TEX55: variants seen among roughly 807,000 people sequenced by gnomAD.
TEX55 encodes testis-specific expressed protein 55.
Under a neutral mutation model 44.6 loss-of-function variants are expected in TEX55, and 31 were observed. That is an observed-to-expected ratio of 0.69 (90% CI 0.52 to 0.94). TEX55 has a LOEUF of 0.94. Among genes scored for constraint, TEX55 ranks in the 40% least tolerant of loss-of-function variants. The pLI is 0.00. For synonymous variants in TEX55, 230 were observed against 230.9 expected (o/e 1.00, Z 0.04); for missense variants, 639 against 638.4 (o/e 1.00, Z -0.01).
intron 2 of TEX55, among the ~76,000 whole-genome samples, chr3:119,149,593 A>G (rs1231749162): frequency 6.6e-6 from 1 of 152,226 alleles, no homozygotes; most frequent in Middle Eastern, 3.2e-3. Context: ...AGTAGGATGT[A>G]CTATACATAA....
intron 1 of TEX55, 126 bp from the exon 2 acceptor site, chr3:119,148,053 TA>T: frequency 3.5e-6 from 3 of 860,354 alleles, no homozygotes; most frequent in Non-Finnish European, 3.7e-6. Flanking sequence ...AAGTCTCTCT[TA>T]AAAATGTGTA....
In TEX55 at chr3:119,148,295, A is replaced by G; in HGVS notation, c.1514A>G (p.Glu505Gly). ...DPYQVSLQYM[E>G]KHHILQIFQQ... The stretch of plus-strand genomic sequence containing the variant: ...TACCAAGTTTCACTCCAATACATGG[A>G]AAAACACCACATTCTGCAAATATTC... Residue 505 changes from glutamate to glycine, a missense_variant, in exon 2 of 3, where the codon GAA (glutamate) becomes GGA (glycine). Coordinates refer to ENST00000295622, the MANE Select transcript of TEX55 (RefSeq NM_152539.3). 1 of 1,611,178 alleles carries G rather than the reference A, an allele frequency of 6.2e-7. No individual in the cohort carries two copies. The highest frequency in any genetic ancestry group is 1.7e-5 in the Admixed American group (1 of 59,536).
In TEX55 at chr3:119,147,389, A is replaced by G; in HGVS notation, c.1200A>G (p.Val400=). ...CCTGCAAATTTGAGGATAGCCAAGT[A>G]GACCTCAATTCCAAGCCTTCAGTTG... The part of the protein sequence containing the change: ...VQPCKFEDSQ[V]DLNSKPSVEM... The change falls in exon 1 of 3, where the codon GTA becomes GTG. Residue 400 remains valine, a synonymous_variant. Coordinates refer to ENST00000295622, the MANE Select transcript of TEX55 (RefSeq NM_152539.3). 6.2e-7 allele frequency: 1 copy of G among 1,614,234 alleles called. No individual in the cohort carries two copies. The highest frequency in any genetic ancestry group is 8.5e-7 in the Non-Finnish European group (1 of 1,180,044).
chr3:119,147,834 GAAACC>G (rs2077744554), intron 1 of TEX55, among the ~76,000 whole-genome samples: 1 of 152,146 alleles, frequency 6.6e-6, no homozygotes, highest in African/African-American at 2.4e-5. Context: ...CAGGATTCAG[GAAACC>G]TGCATTTTAA....
chr3:119,149,605 T>C (rs1043737581), intron 2 of TEX55, among the ~76,000 whole-genome samples: 14 of 152,204 alleles, frequency 9.2e-5, no homozygotes, highest in Admixed American at 8.5e-4. Flanking sequence ...TATACATAAC[T>C]TCGTGTGCTA....
At chr3:119,148,418 A>G in intron 2 of TEX55, 95 bp downstream of exon 2, 2 of 1,162,938 alleles carry the variant, frequency 1.7e-6, no homozygotes, top group Non-Finnish European at 2.5e-6. Flanking sequence ...AATTGAGAAG[A>G]CAATAAGTGC....
Position 119,147,537 on chromosome 3 carries a change from T to C in TEX55, c.1348T>C (p.Leu450=). Residue 450 remains leucine, a synonymous_variant, in exon 1 of 3, where the codon TTG becomes CTG. Coordinates refer to ENST00000295622, the MANE Select transcript of TEX55 (RefSeq NM_152539.3). ...FPRLPSISSK[L]NYTSSQEKTQ... is the part of the protein sequence containing the mutation. ...AAGACTCCCCTCCATCTCATCCAAA[T>C]TGAACTATACCAGCAGTCAAGAAAA... 1.2e-6 allele frequency: 2 copies of C among 1,614,070 alleles called. No individual in the cohort carries two copies. Among genetic ancestry groups the C allele is most frequent in the Non-Finnish European group, 1.7e-6 (2 of 1,180,000 alleles).
Position 119,151,293 on chromosome 3 carries a change from AATTGGAGAAAAAGAACAACCTTTTT to A in TEX55, c.*5_*29del. On this transcript the variant is annotated 3_prime_UTR_variant, in exon 3 of 3. Transcript: ENST00000295622. ...GAATTTTATGCTGTGCCAGGTATAGAATTGGAGAAAAAGAACAACCTTTTTATTCTCTTTATTGTAAAATACAGCA... is the reference window on the plus strand; with the variant it reads ...GAATTTTATGCTGTGCCAGGTATAGAATTCTCTTTATTGTAAAATACAGCA... The A allele has an allele frequency of 6.2e-7, 1 of 1,612,472 alleles. No individual in the cohort carries two copies.
At chr3:119,149,917 C>T (rs1472817931) in intron 2 of TEX55, among the ~76,000 whole-genome samples, 1 of 152,118 alleles carries the variant, frequency 6.6e-6, no homozygotes, top group East Asian at 1.9e-4. Context: ...GGTGCTGGAA[C>T]TTGTGGTTAG....
chr3:119,148,166 G>A lies in TEX55; in HGVS notation c.1399-14G>A. 2 of 1,600,104 alleles carry A rather than the reference G, an allele frequency of 1.2e-6. No individual in the cohort carries two copies. The highest frequency in any genetic ancestry group is 2.2e-5 in the East Asian group (1 of 44,670). ...TTTACTAAGGACTTTTTGGTGGGGG[G>A]ATTTAAATTTCAGGATGAATTTTCA... On this transcript the variant is annotated splice_polypyrimidine_tract_variant and intron_variant, in intron 1 of 2. Coordinates refer to ENST00000295622, the MANE Select transcript of TEX55 (RefSeq NM_152539.3).
chr3:119,147,029 C>A lies in TEX55; in HGVS notation c.840C>A (p.Gly280=), dbSNP rs747372423. 10 of 1,613,424 alleles carry A rather than the reference C, an allele frequency of 6.2e-6. No homozygotes were observed. In the Admixed American group the frequency reaches 1.7e-4, roughly 27 times the overall value. The stretch of plus-strand genomic sequence containing the variant: ...AGAAGACTGACTACAGATTGGCTGG[C>A]CTGGCTGACCCAGGAACTTCTGAGC... ...SSEKTDYRLA[G]LADPGTSEQT... is the part of the protein sequence containing the mutation. Residue 280 remains glycine, a synonymous_variant, in exon 1 of 3, where the codon GGC becomes GGA. Coordinates refer to ENST00000295622, the MANE Select transcript of TEX55 (RefSeq NM_152539.3).
chr3:119,146,879 A>T lies in TEX55; in HGVS notation c.690A>T (p.Ser230=). 1 of 1,614,132 alleles carries T rather than the reference A, an allele frequency of 6.2e-7. No homozygotes were observed. The change falls in exon 1 of 3, where the codon TCA becomes TCT. Residue 230 remains serine, a synonymous_variant. Coordinates refer to ENST00000295622, the MANE Select transcript of TEX55 (RefSeq NM_152539.3). ...RRPSVQIDSG[S]SVPSDQSPSV... is the part of the protein sequence containing the mutation. Reference sequence around the variant, plus strand: ...CTTCTGTGCAGATTGACAGTGGGTCATCCGTCCCATCTGACCAAAGTCCTT... The same window carrying T: ...CTTCTGTGCAGATTGACAGTGGGTCTTCCGTCCCATCTGACCAAAGTCCTT...
At chr3:119,148,473 A>C in intron 2 of TEX55, 150 bp downstream of exon 2, 1 of 754,318 alleles carries the variant, frequency 1.3e-6, no homozygotes, top group South Asian at 2.1e-5. Flanking sequence ...AACACCAAAT[A>C]GATGATACCA....
intron 1 of TEX55, 99 bp from the exon 2 acceptor site, chr3:119,148,081 G>A: frequency 9.6e-7 from 1 of 1,037,186 alleles, no homozygotes; most frequent in Non-Finnish European, 1.4e-6. Flanking sequence ...CCAACTCCTT[G>A]TGTTAAGATC....
rs201864502 is a variant in TEX55, at chr3:119,148,159, G to A, written c.1399-21G>A. 19 of 1,599,186 alleles carry A rather than the reference G, an allele frequency of 1.2e-5. No individual in the cohort carries two copies. In the East Asian group the frequency reaches 1.8e-4, roughly 15 times the overall value. ...CTTCAGGTTTACTAAGGACTTTTTG[G>A]TGGGGGGATTTAAATTTCAGGATGA... On this transcript the variant is annotated intron_variant, in intron 1 of 2. Coordinates refer to ENST00000295622, the MANE Select transcript of TEX55 (RefSeq NM_152539.3).
Position 119,146,784 on chromosome 3 carries a change from T to TCTGG in TEX55, c.597_600dup (p.Glu201TrpfsTer4). 6.2e-7 allele frequency: 1 copy of TCTGG among 1,614,074 alleles called. No homozygotes were observed. The highest frequency in any genetic ancestry group is 1.3e-5 in the African/African-American group (1 of 75,044). The stretch of plus-strand genomic sequence containing the variant: ...TTCCGAGCAGATGGACCGCAGAATG[T>TCTGG]CTGGCGAGGCTGAGCGAAGAACTTC... On this transcript the variant is annotated frameshift_variant, in exon 1 of 3. Transcript: ENST00000295622. LOFTEE classifies it high-confidence loss of function.
At chr3:119,150,200 T>G (rs1314539646) in intron 2 of TEX55, among the ~76,000 whole-genome samples, 1 of 152,168 alleles carries the variant, frequency 6.6e-6, no homozygotes, top group Non-Finnish European at 1.5e-5. Flanking sequence ...GTCTTTTTGT[T>G]GGAAGAGTAC....
rs1385734955 is a variant in TEX55, at chr3:119,146,629, A to C, written c.440A>C (p.Glu147Ala). 6.2e-7 allele frequency: 1 copy of C among 1,614,108 alleles called. No individual in the cohort carries two copies. Among genetic ancestry groups the C allele is most frequent in the African/African-American group, 1.3e-5 (1 of 75,040 alleles). Residue 147 changes from glutamate (E) to alanine (A), a missense_variant, in exon 1 of 3, where the codon GAA becomes GCA. Glu to Ala is a moderately radical substitution (Grantham distance 107, BLOSUM62 -1). Transcript: ENST00000295622. Reference sequence around the variant, plus strand: ...GAGGAAAGAACTGCTGAACAGACTGAACGAAGATTACCTACCCAGGCTGAG... The same window carrying C: ...GAGGAAAGAACTGCTGAACAGACTGCACGAAGATTACCTACCCAGGCTGAG... ...LTEERTAEQT[E>A]RRLPTQAERR...
chr3:119,151,311 AC>A lies in TEX55; in HGVS notation c.*21del. On this transcript the variant is annotated 3_prime_UTR_variant, in exon 3 of 3. Transcript: ENST00000295622. ...GGTATAGAATTGGAGAAAAAGAACA[AC>A]CTTTTTATTCTCTTTATTGTAAAAT... 3.1e-6 allele frequency: 5 copies of A among 1,606,626 alleles called. No homozygotes were observed. Among genetic ancestry groups the A allele is most frequent in the South Asian group, 2.2e-5 (2 of 90,734 alleles).
Sources: gnomAD v4.1 joint callset for allele counts (sites outside exome capture counted in the v4.1 genomes callset) on GRCh38, gnomAD v4.1.1 for gene constraint, MANE v1.5 for transcripts, NCBI Gene and HGNC (gene_info 2026-07-23, HGNC 2026-07-21) for gene names.